The following MAPK8 variants were observed in gnomAD, a reference collection of about 807,000 sequenced individuals.
MAPK8 encodes the protein JUN N-terminal kinase.
A neutral mutation model predicts 52.9 loss-of-function variants in MAPK8; 13 were observed. The ratio of observed to expected loss-of-function variants is 0.25; its 90% CI spans 0.16 to 0.39. The LOEUF (loss-of-function observed/expected upper bound fraction) is 0.39. MAPK8 is among the 10% of genes least tolerant of loss of function. The pLI, the probability that MAPK8 is intolerant of heterozygous loss-of-function variation, is 1.00. For missense variants in MAPK8, 300 were observed against 519.2 expected (o/e 0.58, Z 4.10); for synonymous variants, 191 against 169.8 (o/e 1.12, Z -0.97).
chr10:48,348,111 G>C (rs1385644933), intron 1 of MAPK8, among the ~76,000 whole-genome samples: 2 of 152,152 alleles, frequency 1.3e-5, no homozygotes, highest in African/African-American at 4.8e-5. Context: ...ATGGTATCTT[G>C]TGGTTTTGAT....
rs377754613 is a variant in MAPK8, at chr10:48,435,046, G to A, written c.*17G>A. On this transcript the variant is annotated 3_prime_UTR_variant, in exon 12 of 12. Transcript: ENST00000374189. ...TGTAGATGACTACTTGGGCCATCGG[G>A]GGGTGGGAGGGATGGGGAGTCGGTT... 2.0e-6 allele frequency: 3 copies of A among 1,506,194 alleles called. No homozygotes were observed. Among genetic ancestry groups the A allele is most frequent in the Admixed American group, 1.9e-5 (1 of 51,618 alleles). The allele number at this position is 1,506,194 out of a possible 1,614,324, so 93.3% of individuals were successfully genotyped here. A position where few individuals can be genotyped will look rare whatever the true frequency, so the allele number is the denominator to read the frequency against.
At position 48,420,269 on chromosome 10, in the gene MAPK8, C is replaced by T. The variant is rs202013888; in HGVS notation, c.565C>T (p.Arg189Cys). 1.2e-6 allele frequency: 2 copies of T among 1,613,654 alleles called. No homozygotes were observed. The highest frequency in any genetic ancestry group is 2.2e-5 in the East Asian group (1 of 44,886). The change falls in exon 6 of 12, where the codon CGC becomes TGC. Residue 189 changes from arginine to cysteine, a missense_variant. Physicochemically the swap from Arg to Cys is radical, Grantham distance 180. This residue lies in a region of MAPK8 where 147 missense variants were observed against 328.1 expected (regional missense o/e 0.45). Transcript: ENST00000374189. Reference sequence around the variant, plus strand: ...TATGATGACGCCTTATGTAGTGACTCGCTACTACAGAGCACCCGAGGTCAT... The same window carrying T: ...TATGATGACGCCTTATGTAGTGACTTGCTACTACAGAGCACCCGAGGTCAT... ...SFMMTPYVVT[R>C]YYRAPEVILG...
rs2042166338 is a variant in MAPK8 at position 48,401,675 on chromosome 10, G to A, written c.15G>A (p.Lys5=). 2 of 1,609,874 alleles carry A rather than the reference G, an allele frequency of 1.2e-6. No individual in the cohort carries two copies. The highest frequency in any genetic ancestry group is 1.7e-6 in the Non-Finnish European group (2 of 1,178,446). The change falls in exon 2 of 12, where the codon AAG becomes AAA. Residue 5 remains lysine, a synonymous_variant. Transcript: ENST00000374189. ...TGCTTGCCATCATGAGCAGAAGCAAGCGTGACAACAATTTTTATAGTGTAG... is the reference window on the plus strand; with the variant it reads ...TGCTTGCCATCATGAGCAGAAGCAAACGTGACAACAATTTTTATAGTGTAG... MSRS[K]RDNNFYSVEI...
intron 5 of MAPK8, among the ~76,000 whole-genome samples, chr10:48,411,886 T>TTTGTC (rs139015481): frequency 0.02 from 2,430 of 122,426 alleles, 29 homozygotes; most frequent in Non-Finnish European, 0.032. Flanking sequence ...TCCCCTCCCA[T>TTTGTC]TTGTCTTGTC....
chr10:48,410,151 G>T lies in MAPK8; in HGVS notation c.433G>T (p.Ala145Ser). 9.1e-6 allele frequency: 14 copies of T among 1,538,660 alleles called. No individual in the cohort carries two copies. The highest frequency in any genetic ancestry group is 1.3e-5 in the South Asian group (1 of 77,408). Residue 145 changes from alanine to serine, a missense_variant, in exon 5 of 12, where the codon GCT (alanine) becomes TCT (serine). Physicochemically the swap from Ala to Ser is moderately conservative, Grantham distance 99. Around this residue, in one of 3 missense-constraint regions of MAPK8, gnomAD observed 147 missense variants for 328.1 expected, o/e 0.45. Coordinates refer to ENST00000374189, the MANE Select transcript of MAPK8 (RefSeq NM_001323329.2). ...MLCGIKHLHS[A>S]GIIHRDLKPS... ...GTGTGGAATCAAGCACCTTCATTCT[G>T]CTGGAATTATTCATCGGGTTAGTAG...
chr10:48,398,511 T>C (rs1367033900), intron 1 of MAPK8, among the ~76,000 whole-genome samples: 1 of 152,204 alleles, frequency 6.6e-6, no homozygotes. Context: ...TGAAAAATGA[T>C]ATGGCCTCTT....
chr10:48,307,174 G>C (rs930830310), intron 1 of MAPK8: 6 of 152,446 alleles, frequency 3.9e-5, no homozygotes, highest in African/African-American at 7.2e-5. Flanking sequence ...GAAACACTTC[G>C]GCAAGGGTCG....
At chr10:48,325,862 G>A (rs1843467691) in intron 1 of MAPK8, 1 of 152,054 alleles carries the variant, frequency 6.6e-6, no homozygotes, top group Non-Finnish European at 1.5e-5. Context: ...GTAGGATACC[G>A]TTTTATTGGA....
chr10:48,312,521 C>T (rs1842073939), intron 1 of MAPK8, among the ~76,000 whole-genome samples: 3 of 152,304 alleles, frequency 2.0e-5, no homozygotes, highest in African/African-American at 7.2e-5. Flanking sequence ...TAGCCACACA[C>T]AAGCACTTGC....
chr10:48,357,382 C>CCA (rs1258674589), intron 1 of MAPK8, among the ~76,000 whole-genome samples: 1 of 152,088 alleles, frequency 6.6e-6, no homozygotes, highest in African/African-American at 2.4e-5. Flanking sequence ...AGTGAACATA[C>CCA]CAGAGAGTTC....
intron 5 of MAPK8, among the ~76,000 whole-genome samples, chr10:48,418,305 C>T (rs1295049631): frequency 6.6e-6 from 1 of 152,214 alleles, no homozygotes; most frequent in African/African-American, 2.4e-5. Context: ...TAACACCCCA[C>T]CTCTGACACC....
At chr10:48,368,534 C>G (rs1246753107) in intron 1 of MAPK8, among the ~76,000 whole-genome samples, 1 of 152,180 alleles carries the variant, frequency 6.6e-6, no homozygotes, top group Non-Finnish European at 1.5e-5. Context: ...AGGGCCAGGG[C>G]CAAATCATCC....
At chr10:48,394,183 C>G (rs770839428) in intron 1 of MAPK8, among the ~76,000 whole-genome samples, 2 of 151,912 alleles carry the variant, frequency 1.3e-5, no homozygotes, top group Non-Finnish European at 2.9e-5. Flanking sequence ...TAGAAGACTT[C>G]ACTGAGATAG....
chr10:48,357,013 C>T (rs548574651), intron 1 of MAPK8, among the ~76,000 whole-genome samples: 1 of 150,780 alleles, frequency 6.6e-6, no homozygotes, highest in Admixed American at 6.6e-5. Flanking sequence ...GTTTTTTGCA[C>T]TGATAAAAGG....
At chr10:48,402,403 T>C (rs1269180364) in intron 2 of MAPK8, among the ~76,000 whole-genome samples, 3 of 152,220 alleles carry the variant, frequency 2.0e-5, no homozygotes, top group East Asian at 1.9e-4. Flanking sequence ...AGAAATCTTA[T>C]TCTATACTGG....
At chr10:48,376,566 G>A (rs1207549076) in intron 1 of MAPK8, among the ~76,000 whole-genome samples, 2 of 152,080 alleles carry the variant, frequency 1.3e-5, no homozygotes, top group African/African-American at 4.8e-5. Context: ...AAAAGCAGGC[G>A]AAGCATATGA....
intron 10 of MAPK8, among the ~76,000 whole-genome samples, chr10:48,427,621 A>G (rs889693763): frequency 2.6e-5 from 4 of 152,034 alleles, no homozygotes; most frequent in African/African-American, 9.7e-5. Context: ...CCTCCTGAGT[A>G]GCTGGGACTA....
intron 1 of MAPK8, among the ~76,000 whole-genome samples, chr10:48,333,505 C>A (rs1489747808): frequency 6.6e-6 from 1 of 152,196 alleles, no homozygotes; most frequent in Non-Finnish European, 1.5e-5. Context: ...AGGGCCATGC[C>A]CTAGTCTACT....
At chr10:48,334,902 A>T (rs1386668651) in intron 1 of MAPK8, among the ~76,000 whole-genome samples, 1 of 152,018 alleles carries the variant, frequency 6.6e-6, no homozygotes, top group South Asian at 2.1e-4. Flanking sequence ...CCATTTCCTC[A>T]CTGGTCGAGT....
Sources: allele counts gnomAD v4.1 joint callset (sites outside exome capture counted in the v4.1 genomes callset), GRCh38; gene constraint gnomAD v4.1.1; regional missense constraint gnomAD v4.1.1; transcripts MANE v1.5; gene names NCBI Gene and HGNC (gene_info 2026-07-23, HGNC 2026-07-21).